The following MYO1E variants were observed in gnomAD, a reference collection of about 807,000 sequenced individuals.
The protein encoded by MYO1E is myosin IE.
In MYO1E, 68 loss-of-function variants were observed where a neutral mutation model predicts 151.1. That is an observed-to-expected ratio of 0.45 (90% CI 0.37 to 0.55). The LOEUF (loss-of-function observed/expected upper bound fraction) is 0.55, where lower values mean the gene tolerates loss of function less well. MYO1E is among the 20% of genes least tolerant of loss of function. The pLI is 0.00. For synonymous variants in MYO1E, 601 were observed against 501.7 expected (o/e 1.20, Z -2.64); for missense variants, 1,363 against 1,389.3 (o/e 0.98, Z 0.30).
At chr15:59,348,451 C>CT (rs1368020217) in intron 1 of MYO1E, among the ~76,000 whole-genome samples, 3 of 152,140 alleles carry the variant, frequency 2.0e-5, no homozygotes, top group Admixed American at 6.5e-5. Context: ...GGCTCTCAAC[C>CT]TAGGCTGCTT....
At chr15:59,160,884 T>C (rs1386666575) in intron 24 of MYO1E, among the ~76,000 whole-genome samples, 189 bp downstream of exon 24, 1 of 152,050 alleles carries the variant, frequency 6.6e-6, no homozygotes, top group Non-Finnish European at 1.5e-5. Flanking sequence ...CTCAGAAACT[T>C]TTAACCTGCT....
Position 59,203,818 on chromosome 15 carries a change from T to C in MYO1E, c.1617-1411A>G, listed in dbSNP as rs563573803. On this transcript the variant is annotated intron_variant, in intron 15 of 27. Coordinates refer to ENST00000288235, the MANE Select transcript of MYO1E (RefSeq NM_004998.4). ...CATGGTGCACAGTTGGTCCATAATA[T>C]GTATTTGCTGACTGGGTGAATGACG... is the stretch of plus-strand genomic sequence containing the variant. Among the ~76,000 whole-genome samples the C allele has an allele frequency of 7.8e-4, 119 of 152,350 alleles. No homozygotes were observed. In the Middle Eastern group the frequency reaches 0.01, roughly 13 times the overall value.
chr15:59,262,820 T>C (rs1236195571), intron 2 of MYO1E, among the ~76,000 whole-genome samples: 2 of 152,154 alleles, frequency 1.3e-5, no homozygotes, highest in Non-Finnish European at 2.9e-5. Flanking sequence ...CATTTTAATA[T>C]ATGAAAATAA....
At chr15:59,293,376 T>C (rs1465875889) in intron 1 of MYO1E, among the ~76,000 whole-genome samples, 1 of 151,914 alleles carries the variant, frequency 6.6e-6, no homozygotes, top group Admixed American at 6.6e-5. Flanking sequence ...TGAAACCCCA[T>C]CTCTACTAAA....
At chr15:59,165,355 CAA>C (rs1166007198) in intron 22 of MYO1E, among the ~76,000 whole-genome samples, 1 of 148,030 alleles carries the variant, frequency 6.8e-6, no homozygotes, top group Non-Finnish European at 1.5e-5. Flanking sequence ...GAAGAGCAGC[CAA>C]AGAGTTTCCC....
chr15:59,163,321 A>G lies in MYO1E; in HGVS notation c.2481-18T>C. The G allele has an allele frequency of 6.2e-7, 1 of 1,610,848 alleles. No homozygotes were observed. Among genetic ancestry groups the G allele is most frequent in the Non-Finnish European group, 8.5e-7 (1 of 1,178,112 alleles). On this transcript the variant is annotated intron_variant, in intron 22 of 27. Coordinates refer to ENST00000288235, the MANE Select transcript of MYO1E (RefSeq NM_004998.4). ...GCATAGTACTGTAAAGAGATTGGAC[A>G]AACACACTTGGTGAAAGCTGTGCTT...
intron 25 of MYO1E, 142 bp downstream of exon 25, chr15:59,158,145 G>C: frequency 2.6e-6 from 2 of 769,084 alleles, no homozygotes; most frequent in South Asian, 3.1e-5. Flanking sequence ...TAGGGCTGCT[G>C]TGTTGTACAT....
chr15:59,181,867 T>A (rs960991976), intron 18 of MYO1E, among the ~76,000 whole-genome samples: 4 of 152,218 alleles, frequency 2.6e-5, no homozygotes, highest in Non-Finnish European at 2.9e-5. Context: ...AGCCTTTCTG[T>A]GGACACCTAG....
intron 27 of MYO1E, 129 bp downstream of exon 27, chr15:59,138,069 G>T (rs1319234200): frequency 8.9e-7 from 1 of 1,129,884 alleles, no homozygotes; most frequent in Non-Finnish European, 1.3e-6. Flanking sequence ...TGAGCCTGAG[G>T]CCTGACCTGC....
At chr15:59,236,840 GC>G (rs1245149671) in intron 4 of MYO1E, among the ~76,000 whole-genome samples, 168 bp from the exon 5 acceptor site, 1 of 152,146 alleles carries the variant, frequency 6.6e-6, no homozygotes, top group Non-Finnish European at 1.5e-5. Flanking sequence ...GCAAGTTACA[GC>G]AGGATTAGGT....
intron 13 of MYO1E, among the ~76,000 whole-genome samples, chr15:59,209,993 C>T (rs2079869114): frequency 6.6e-6 from 1 of 151,342 alleles, no homozygotes; most frequent in Non-Finnish European, 1.5e-5. Context: ...TGCCACCATG[C>T]CTGGCTAATT....
At chr15:59,258,400 G>A (rs936437492) in intron 3 of MYO1E, among the ~76,000 whole-genome samples, 2 of 152,162 alleles carry the variant, frequency 1.3e-5, no homozygotes, top group Admixed American at 6.6e-5. Context: ...GTGAGGTACA[G>A]AAACAGCCAG....
chr15:59,287,499 C>T (rs2080394101), intron 1 of MYO1E, among the ~76,000 whole-genome samples: 1 of 152,156 alleles, frequency 6.6e-6, no homozygotes, highest in South Asian at 2.1e-4. Context: ...CTGTTGTATG[C>T]TTCTAGGGTG....
chr15:59,208,675 C>T lies in MYO1E; in HGVS notation c.1530+6G>A. On this transcript the variant is annotated splice_donor_region_variant and intron_variant, in intron 14 of 27. Coordinates refer to ENST00000288235, the MANE Select transcript of MYO1E (RefSeq NM_004998.4). ...AGATAGACATTAAAATGGATATTGG[C>T]CATACCTTCCCAGCATAATGATGAA... 1.9e-6 allele frequency: 3 copies of T among 1,614,150 alleles called. No individual in the cohort carries two copies. Among genetic ancestry groups the T allele is most frequent in the South Asian group, 1.1e-5 (1 of 91,086 alleles).
chr15:59,307,608 T>G (rs368307682), intron 1 of MYO1E, among the ~76,000 whole-genome samples: 3,990 of 151,878 alleles, frequency 0.026, 58 homozygotes, highest in Middle Eastern at 0.058. Context: ...TTAGTTTTTG[T>G]TTTTGGTTTT....
chr15:59,158,151 T>C (rs1357273309), intron 25 of MYO1E, 136 bp downstream of exon 25: 9 of 798,136 alleles, frequency 1.1e-5, no homozygotes, highest in Middle Eastern at 3.5e-4. Context: ...TGCTGTGTTG[T>C]ACATGTGGCA....
At chr15:59,372,430 G>A in intron 1 of MYO1E, 68 bp downstream of exon 1, 1 of 1,531,794 alleles carries the variant, frequency 6.5e-7, no homozygotes, top group Non-Finnish European at 8.8e-7. Context: ...CAAGGTGGGT[G>A]CACCACGCCG....
intron 4 of MYO1E, among the ~76,000 whole-genome samples, chr15:59,239,475 A>G (rs2080087147): frequency 6.6e-6 from 1 of 151,698 alleles, no homozygotes; most frequent in Non-Finnish European, 1.5e-5. Context: ...GAATTATAAA[A>G]TAATATATAT....
chr15:59,243,147 C>G (rs1010302654), intron 4 of MYO1E, among the ~76,000 whole-genome samples: 2 of 137,512 alleles, frequency 1.5e-5, no homozygotes, highest in African/African-American at 5.4e-5. Context: ...TTGAACACAA[C>G]TCTTATTTCA....
Sources: allele counts gnomAD v4.1 joint callset (sites outside exome capture counted in the v4.1 genomes callset), GRCh38; gene constraint gnomAD v4.1.1; transcripts MANE v1.5; gene names NCBI Gene and HGNC (gene_info 2026-07-23, HGNC 2026-07-21).